The following LRRC4C variants were observed in gnomAD, a reference collection of about 807,000 sequenced individuals.
LRRC4C encodes the protein leucine rich repeat containing 4C.
Under a neutral mutation model 33.6 loss-of-function variants are expected in LRRC4C, and 5 were observed. The ratio of observed to expected loss-of-function variants is 0.15; its 90% confidence interval spans 0.08 to 0.31. The LOEUF is 0.31. Ranked by LOEUF, LRRC4C falls within the 10% of genes least tolerant of loss-of-function variation. LRRC4C has a pLI of 1.00. For missense variants in LRRC4C, 560 were observed against 796.7 expected (o/e 0.70, Z 3.58); for synonymous variants, 329 against 302.0 (o/e 1.09, Z -0.93).
intron 3 of LRRC4C, among the ~76,000 whole-genome samples, chr11:40,559,840 C>T (rs1957478375): frequency 6.6e-6 from 1 of 151,820 alleles, no homozygotes; most frequent in South Asian, 2.1e-4. Context: ...GCTTTTTTTT[C>T]ACATGCTTGT....
At chr11:40,367,928 A>C (rs114454924) in intron 3 of LRRC4C, among the ~76,000 whole-genome samples, 1 of 151,982 alleles carries the variant, frequency 6.6e-6, no homozygotes, top group African/African-American at 2.4e-5. Context: ...ATAATGTCCC[A>C]TCTACACAGT....
At chr11:40,797,122 T>A (rs988409067) in intron 2 of LRRC4C, among the ~76,000 whole-genome samples, 3 of 152,122 alleles carry the variant, frequency 2.0e-5, no homozygotes, top group African/African-American at 4.8e-5. Flanking sequence ...GAAAGACACA[T>A]GCTTAAGAAG....
intron 5 of LRRC4C, among the ~76,000 whole-genome samples, chr11:40,232,453 T>A (rs772840074): frequency 2.0e-5 from 3 of 152,210 alleles, no homozygotes; most frequent in Non-Finnish European, 1.5e-5. Flanking sequence ...CTACTGCCAA[T>A]AAATTAAGAG....
chr11:40,266,385 C>G (rs1942258282), intron 4 of LRRC4C, among the ~76,000 whole-genome samples: 1 of 151,916 alleles, frequency 6.6e-6, no homozygotes, highest in Admixed American at 6.6e-5. Flanking sequence ...TTTGGGAGTC[C>G]AAGACAGGGA....
At chr11:41,241,060 C>T (rs1016535669) in intron 1 of LRRC4C, among the ~76,000 whole-genome samples, 4 of 152,116 alleles carry the variant, frequency 2.6e-5, no homozygotes, top group African/African-American at 4.8e-5. Flanking sequence ...AAGTTATTAA[C>T]TTCTGTATAA....
intron 3 of LRRC4C, among the ~76,000 whole-genome samples, chr11:40,441,780 T>C (rs16934838): frequency 0.051 from 7,824 of 152,198 alleles, 464 homozygotes; most frequent in African/African-American, 0.14. Flanking sequence ...ACAATGAATG[T>C]GAAAATTCTC....
chr11:40,453,129 T>C (rs546569377), intron 3 of LRRC4C, among the ~76,000 whole-genome samples: 2 of 152,218 alleles, frequency 1.3e-5, no homozygotes, highest in South Asian at 2.1e-4. Flanking sequence ...CATGTATACA[T>C]ATGTAACAAA....
chr11:40,425,965 C>A (rs969671253), intron 3 of LRRC4C, among the ~76,000 whole-genome samples: 1 of 151,392 alleles, frequency 6.6e-6, no homozygotes, highest in Non-Finnish European at 1.5e-5. Flanking sequence ...ATGCTAAGTA[C>A]TGTATACTGT....
At position 40,138,833 on chromosome 11, in the gene LRRC4C, A is replaced by T. The variant is rs1857163620; in HGVS notation, c.-43+1968T>A. 1.3e-5 allele frequency among the ~76,000 whole-genome samples: 2 copies of T among 152,164 alleles called. 1 individual carries two copies. Among genetic ancestry groups the T allele is most frequent in the Non-Finnish European group, 2.9e-5 (2 of 68,026 alleles). On this transcript the variant is annotated intron_variant, in intron 6 of 6. Coordinates refer to ENST00000528697, the MANE Select transcript of LRRC4C (RefSeq NM_001258419.2). Reference sequence around the variant, plus strand: ...AAAATAAGGACTCAGGAGAAATATCATTCTGGGTTGAATAAATAAAGAGCA... The same window carrying T: ...AAAATAAGGACTCAGGAGAAATATCTTTCTGGGTTGAATAAATAAAGAGCA...
intron 1 of LRRC4C, among the ~76,000 whole-genome samples, chr11:41,397,838 G>T (rs1449212119): frequency 6.6e-6 from 1 of 151,916 alleles, no homozygotes; most frequent in Non-Finnish European, 1.5e-5. Context: ...GCAAGGTAGA[G>T]ATCCAAACCA....
intron 1 of LRRC4C, among the ~76,000 whole-genome samples, chr11:41,317,678 C>G (rs956196469): frequency 6.6e-6 from 1 of 151,936 alleles, no homozygotes; most frequent in South Asian, 2.1e-4. Context: ...TTTGGAGGAA[C>G]AAGGGGCTGC....
At chr11:40,123,619 C>G (rs1855988915) in intron 6 of LRRC4C, among the ~76,000 whole-genome samples, 1 of 151,920 alleles carries the variant, frequency 6.6e-6, no homozygotes, top group South Asian at 2.1e-4. Flanking sequence ...ATATTCCATG[C>G]TCATGGATTA....
At chr11:41,240,831 A>C (rs1948222133) in intron 1 of LRRC4C, among the ~76,000 whole-genome samples, 1 of 152,152 alleles carries the variant, frequency 6.6e-6, no homozygotes, top group Admixed American at 6.5e-5. Context: ...GCACACACAC[A>C]CAAATTATTT....
chr11:40,942,288 G>A (rs1428142766), intron 1 of LRRC4C, among the ~76,000 whole-genome samples: 1 of 152,174 alleles, frequency 6.6e-6, no homozygotes, highest in African/African-American at 2.4e-5. Context: ...TGGATCTTAA[G>A]AGCAGCTTCT....
rs1407675860 is a variant in LRRC4C, at chr11:41,396,687, C to A, written c.-496+62744G>T. ...ACCTGTGTCATGGAAGTTTGTTGTGCAGATTATTTTGTCACCCAAGTATTA... is the reference window on the plus strand; with the variant it reads ...ACCTGTGTCATGGAAGTTTGTTGTGAAGATTATTTTGTCACCCAAGTATTA... On this transcript the variant is annotated intron_variant, in intron 1 of 6. Transcript: ENST00000528697. Among the ~76,000 whole-genome samples the A allele has an allele frequency of 2.6e-5, 4 of 151,912 alleles. No individual in the cohort carries two copies. In the East Asian group the frequency reaches 7.8e-4, roughly 30 times the overall value.
At chr11:41,401,890 T>C (rs1954039379) in intron 1 of LRRC4C, among the ~76,000 whole-genome samples, 1 of 152,006 alleles carries the variant, frequency 6.6e-6, no homozygotes, top group Non-Finnish European at 1.5e-5. Flanking sequence ...AGGAATGCCA[T>C]TGCATTCTCT....
chr11:41,306,704 A>C (rs1438064297), intron 1 of LRRC4C, among the ~76,000 whole-genome samples: 1 of 152,216 alleles, frequency 6.6e-6, no homozygotes. Context: ...CTATGGGGGA[A>C]TTCCTTTAAC....
At chr11:40,832,741 T>C (rs1952476885) in intron 2 of LRRC4C, among the ~76,000 whole-genome samples, 1 of 152,172 alleles carries the variant, frequency 6.6e-6, no homozygotes, top group Non-Finnish European at 1.5e-5. Flanking sequence ...TACAAAAATT[T>C]TGGAACTATC....
At chr11:41,372,987 A>T (rs923346514) in intron 1 of LRRC4C, among the ~76,000 whole-genome samples, 21 of 152,180 alleles carry the variant, frequency 1.4e-4, no homozygotes, top group African/African-American at 4.8e-4. Context: ...TTAAAAATCT[A>T]GAGAAAGAAT....
Sources: gnomAD v4.1 joint callset for allele counts (sites outside exome capture counted in the v4.1 genomes callset) on GRCh38, gnomAD v4.1.1 for gene constraint, MANE v1.5 for transcripts, NCBI Gene and HGNC (gene_info 2026-07-23, HGNC 2026-07-21) for gene names.